The following SYT14 variants were observed in gnomAD, a reference collection of about 807,000 sequenced individuals.
SYT14 encodes synaptotagmin 14.
A neutral mutation model predicts 74.2 loss-of-function variants in SYT14; 32 were observed. The ratio of observed to expected loss-of-function variants is 0.43; its 90% CI spans 0.33 to 0.58. The LOEUF (loss-of-function observed/expected upper bound fraction) is 0.58, where lower values mean the gene tolerates loss of function less well. Ranked by LOEUF, SYT14 falls within the 20% of genes least tolerant of loss-of-function variation. The pLI is 0.05. For synonymous variants in SYT14, 298 were observed against 337.7 expected, an observed-to-expected ratio of 0.88 and a Z score of 1.29; for missense variants, 791 against 981.8, an observed-to-expected ratio of 0.81 and a Z score of 2.60.
chr1:210,169,452 A>C (rs2083498963), exon 10 of SYT14: 1 of 151,932 alleles, frequency 6.6e-6, no homozygotes, highest in East Asian at 1.9e-4. Context: ...TGTTTGAAGC[A>C]GAGCTAGAAA....
chr1:210,045,844 A>T (rs2080874427), intron 5 of SYT14, among the ~76,000 whole-genome samples: 1 of 152,136 alleles, frequency 6.6e-6, no homozygotes, highest in Non-Finnish European at 1.5e-5. Flanking sequence ...AGAACTTCTA[A>T]ATCTTCAGGA....
Position 209,972,711 on chromosome 1 carries a change from A to C in SYT14, c.-486+19955A>C, listed in dbSNP as rs185434039. ...TTTTATTTCACTGTGATCTGAACGTATGGTTGGAATGATTTCAGTTTTTTT... is the reference window on the plus strand; with the variant it reads ...TTTTATTTCACTGTGATCTGAACGTCTGGTTGGAATGATTTCAGTTTTTTT... On this transcript the variant is annotated intron_variant, in intron 2 of 9. Coordinates refer to ENST00000637265, the Ensembl canonical transcript of SYT14. 1.5e-4 allele frequency among the ~76,000 whole-genome samples: 23 copies of C among 152,228 alleles called. No individual in the cohort carries two copies. The East Asian group carries it at 4.4e-3, about 29-fold the overall frequency.
intron 1 of SYT14, among the ~76,000 whole-genome samples, chr1:209,947,489 G>A (rs945130260): frequency 1.4e-4 from 22 of 152,178 alleles, no homozygotes; most frequent in Admixed American, 1.2e-3. Context: ...CAGATGAGGT[G>A]GAACTAGCAA....
At chr1:210,073,991 A>T (rs544814072) in intron 5 of SYT14, among the ~76,000 whole-genome samples, 2 of 152,290 alleles carry the variant, frequency 1.3e-5, no homozygotes, top group South Asian at 4.1e-4. Flanking sequence ...AGATGTAAAA[A>T]CATAACATTT....
intron 5 of SYT14, among the ~76,000 whole-genome samples, chr1:210,070,962 G>A (rs2081382536): frequency 1.3e-5 from 1 of 79,338 alleles, no homozygotes; most frequent in African/African-American, 9.6e-5. Context: ...AGTCCTTTGT[G>A]ATGAGGAAAA....
chr1:209,982,490 C>G (rs1335836528), intron 2 of SYT14, among the ~76,000 whole-genome samples: 3 of 152,192 alleles, frequency 2.0e-5, no homozygotes, highest in Admixed American at 2.0e-4. Flanking sequence ...TAGTTTAAAA[C>G]ACTGGTTTTG....
At chr1:209,977,385 T>C (rs1169297618) in intron 2 of SYT14, among the ~76,000 whole-genome samples, 3 of 152,232 alleles carry the variant, frequency 2.0e-5, no homozygotes, top group Non-Finnish European at 4.4e-5. Flanking sequence ...TCAGGAGCTC[T>C]TTTAGGGCAG....
chr1:209,965,494 A>G (rs2079142098), intron 2 of SYT14, among the ~76,000 whole-genome samples: 1 of 152,138 alleles, frequency 6.6e-6, no homozygotes, highest in Non-Finnish European at 1.5e-5. Context: ...TGTCTTTGCT[A>G]TTCTGAATAG....
intron 2 of SYT14, among the ~76,000 whole-genome samples, chr1:210,008,633 G>A (rs1409068471): frequency 6.6e-6 from 1 of 152,186 alleles, no homozygotes; most frequent in Non-Finnish European, 1.5e-5. Context: ...AAAGTGCCGG[G>A]ATTACAGGCG....
At chr1:210,057,034 G>A (rs1407068336) in intron 5 of SYT14, among the ~76,000 whole-genome samples, 1 of 151,726 alleles carries the variant, frequency 6.6e-6, no homozygotes, top group Admixed American at 6.6e-5. Flanking sequence ...TAGTAGAGAT[G>A]GGGTTTTGCC....
chr1:210,132,567 TTGTGTGTGTG>T lies in SYT14; in HGVS notation c.2035-23126_2035-23117del, dbSNP rs3031264. On this transcript the variant is annotated intron_variant, in intron 7 of 9. Coordinates refer to ENST00000637265, the Ensembl canonical transcript of SYT14. The stretch of plus-strand genomic sequence containing the variant: ...TCTAAGATGATGATGATTTTATATA[TTGTGTGTGTG>T]TGTGTGTGTGTGTGTGTGTGTGTGT... 3.2e-3 allele frequency among the ~76,000 whole-genome samples: 461 copies of T among 145,076 alleles called. 5 individuals are homozygous for T. Among genetic ancestry groups the T allele is most frequent in the African/African-American group, 0.011 (444 of 39,074 alleles).
At chr1:209,970,653 G>A (rs2079235096) in intron 2 of SYT14, among the ~76,000 whole-genome samples, 1 of 131,028 alleles carries the variant, frequency 7.6e-6, no homozygotes, top group Non-Finnish European at 1.6e-5. Flanking sequence ...ATTGCTTTGG[G>A]CAGTATGGCT....
chr1:209,952,234 TATTAAATTTGTTTTACAAATTTATAATA>T (rs1328555911), intron 1 of SYT14, among the ~76,000 whole-genome samples: 3 of 152,232 alleles, frequency 2.0e-5, no homozygotes, highest in African/African-American at 7.2e-5. Flanking sequence ...TTTATCATAC[TATTAAATTTGTTTTACAAATTTATAATA>T]GTGGGTTGTT....
chr1:210,030,132 T>TTTTTG (rs1558140437), intron 5 of SYT14, among the ~76,000 whole-genome samples: 6 of 151,492 alleles, frequency 4.0e-5, no homozygotes, highest in Non-Finnish European at 5.9e-5. Context: ...TTTATTAGTT[T>TTTTTG]TTTTTGTTTT....
intron 5 of SYT14, among the ~76,000 whole-genome samples, chr1:210,083,326 A>G (rs955653569): frequency 6.6e-6 from 1 of 152,218 alleles, no homozygotes; most frequent in Non-Finnish European, 1.5e-5. Flanking sequence ...AGGAAAATAA[A>G]TTAATTAAAG....
At chr1:209,978,014 T>C (rs905369686) in intron 2 of SYT14, among the ~76,000 whole-genome samples, 1 of 152,244 alleles carries the variant, frequency 6.6e-6, no homozygotes, top group Non-Finnish European at 1.5e-5. Context: ...TTGAGTCTTG[T>C]GCATTCGTCA....
In SYT14 at chr1:210,053,470, A is replaced by G. The variant is rs181295151; in HGVS notation, c.1312+32216A>G. On this transcript the variant is annotated intron_variant, in intron 5 of 9. Coordinates refer to ENST00000637265, the Ensembl canonical transcript of SYT14. The stretch of plus-strand genomic sequence containing the variant: ...AGGCCATTAGAAGATTTTAAACTAA[A>G]AGCTTTACATGACCTGACTTTTGCT... Among the ~76,000 whole-genome samples, 192 of 152,344 alleles carry G rather than the reference A, an allele frequency of 1.3e-3. 2 individuals are homozygous for G. The highest frequency in any genetic ancestry group is 2.8e-4 in the Non-Finnish European group (19 of 68,032).
At chr1:210,026,638 A>ACACACACACACT (rs1553267805) in intron 5 of SYT14, among the ~76,000 whole-genome samples, 1 of 151,168 alleles carries the variant, frequency 6.6e-6, no homozygotes, top group East Asian at 2.0e-4. Flanking sequence ...ACACACACAC[A>ACACACACACACT]CACACTCACC....
chr1:210,035,028 T>C (rs1210398990), intron 5 of SYT14, among the ~76,000 whole-genome samples: 1 of 151,914 alleles, frequency 6.6e-6, no homozygotes, highest in East Asian at 1.9e-4. Flanking sequence ...TAGATCTACT[T>C]TTAATTGTTT....
Sources: gnomAD v4.1 joint callset for allele counts (sites outside exome capture counted in the v4.1 genomes callset) on GRCh38, gnomAD v4.1.1 for gene constraint, MANE v1.5 for transcripts, NCBI Gene and HGNC (gene_info 2026-07-23, HGNC 2026-07-21) for gene names.